Variants in NXPE2 observed in about 807,000 individuals in gnomAD.
NXPE2 encodes the protein NXPE family member 2.
A neutral mutation model predicts 34.4 loss-of-function variants in NXPE2; 34 were observed. The ratio of observed to expected loss-of-function variants is 0.99; its 90% CI spans 0.75 to 1.31. NXPE2 has a LOEUF of 1.31. Ranked by LOEUF, NXPE2 falls within the 40% of genes most tolerant of loss-of-function variation. The pLI, the probability that NXPE2 is intolerant of heterozygous loss-of-function variation, is 0.00. For missense variants in NXPE2, 649 were observed against 672.5 expected (o/e 0.97, Z 0.39); for synonymous variants, 235 against 231.3 (o/e 1.02, Z -0.15).
chr11:114,586,518 G>T, the NXPE2 span, among the ~76,000 whole-genome samples: 1 of 152,166 alleles, frequency 6.6e-6, no homozygotes, highest in Non-Finnish European at 1.5e-5. Context: ...AAGACTCAGG[G>T]GACAGGCTTG....
the NXPE2 span, among the ~76,000 whole-genome samples, chr11:114,573,226 T>C: frequency 6.6e-6 from 1 of 152,106 alleles, no homozygotes; most frequent in African/African-American, 2.4e-5. Context: ...TGAAGCAAGT[T>C]ATCAAAGCAC....
chr11:114,550,832 T>C, the NXPE2 span, among the ~76,000 whole-genome samples: 1 of 152,154 alleles, frequency 6.6e-6, no homozygotes, highest in East Asian at 1.9e-4. Context: ...TATTTACTGA[T>C]GAGGAAGTTG....
At chr11:114,678,063 A>G (rs1419622191), upstream of NXPE2, among the ~76,000 whole-genome samples, 4 of 152,112 alleles carry the variant, frequency 2.6e-5, no homozygotes, top group African/African-American at 4.8e-5. Context: ...GATGTATGCA[A>G]TGGTTTAGAG....
chr11:114,603,243 G>A, the NXPE2 span, among the ~76,000 whole-genome samples: 1 of 150,344 alleles, frequency 6.7e-6, no homozygotes, highest in South Asian at 2.1e-4. Flanking sequence ...GTATTGCCTC[G>A]TCTCCTAGGT....
Position 114,678,595 on chromosome 11 carries a change from T to A in NXPE2, c.20T>A (p.Ile7Asn), listed in dbSNP as rs756052709. ...GAGAAGATGGTGGAGAAAATACTCA[T>A]CCATAGGTGTGGTACTTTCCAACTC... is the stretch of plus-strand genomic sequence containing the variant. MVEKIL[I>N]HRILTLFPNA... The change falls in exon 1 of 6, where the codon ATC (isoleucine) becomes AAC (asparagine). Residue 7 changes from isoleucine to asparagine, a missense_variant. Ile to Asn is a moderately radical substitution (Grantham distance 149). Transcript: ENST00000389586. 6.5e-7 allele frequency: 1 copy of A among 1,548,974 alleles called. No individual in the cohort carries two copies. Among genetic ancestry groups the A allele is most frequent in the South Asian group, 1.2e-5 (1 of 84,000 alleles).
At chr11:114,759,649 G>T in the NXPE2 span, among the ~76,000 whole-genome samples, 1 of 152,104 alleles carries the variant, frequency 6.6e-6, no homozygotes, top group Non-Finnish European at 1.5e-5. Context: ...TTAGAATACC[G>T]AATAAGTTTT....
chr11:114,725,962 T>C, the NXPE2 span, among the ~76,000 whole-genome samples: 1 of 67,080 alleles, frequency 1.5e-5, no homozygotes, highest in African/African-American at 6.8e-5. Context: ...GAACTTAAAG[T>C]ATAATAAAAA....
At position 114,689,262 on chromosome 11, in the gene NXPE2, C is replaced by G. The variant is rs117345586; in HGVS notation, c.133-8783C>G. ...CCTAGTGACACTAGCTTTGTCACAT[C>G]TTAGAAATTTTGGTATGTTTTGTCT... On this transcript the variant is annotated intron_variant, in intron 2 of 5. Transcript: ENST00000389586. Among the ~76,000 whole-genome samples the G allele has an allele frequency of 5.9e-3, 900 of 152,130 alleles. 5 individuals carry two copies. Among genetic ancestry groups the G allele is most frequent in the Non-Finnish European group, 9.9e-3 (671 of 67,896 alleles).
At chr11:114,720,931 C>T in the NXPE2 span, among the ~76,000 whole-genome samples, 1 of 152,012 alleles carries the variant, frequency 6.6e-6, no homozygotes, top group African/African-American at 2.4e-5. Context: ...CCACTTTTTT[C>T]CCTTAGGTGA....
the NXPE2 span, chr11:114,528,028 A>C: frequency 8.1e-6 from 5 of 615,214 alleles, no homozygotes; most frequent in South Asian, 1.2e-4. Context: ...TATTGTTGTA[A>C]ATTTTAGATA....
chr11:114,633,443 A>G, the NXPE2 span, among the ~76,000 whole-genome samples: 1 of 146,514 alleles, frequency 6.8e-6, no homozygotes, highest in African/African-American at 2.5e-5. Flanking sequence ...ATAGTATACA[A>G]TGTATATTTT....
At chr11:114,787,377 G>T in the NXPE2 span, among the ~76,000 whole-genome samples, 1 of 152,146 alleles carries the variant, frequency 6.6e-6, no homozygotes, top group South Asian at 2.1e-4. Flanking sequence ...TGTGGCGTGG[G>T]GTGGGAACGG....
chr11:114,620,896 C>G, the NXPE2 span, among the ~76,000 whole-genome samples: 1 of 152,128 alleles, frequency 6.6e-6, no homozygotes, highest in Admixed American at 6.6e-5. Context: ...CACGGGTAAC[C>G]ACAGTTACCC....
chr11:114,513,252 C>A, the NXPE2 span: 1 of 521,426 alleles, frequency 1.9e-6, no homozygotes, highest in African/African-American at 1.9e-5. Context: ...AGGATGGTGG[C>A]TGTGCTGTGT....
chr11:114,553,317 G>A, the NXPE2 span, among the ~76,000 whole-genome samples: 1 of 152,156 alleles, frequency 6.6e-6, no homozygotes, highest in Non-Finnish European at 1.5e-5. Flanking sequence ...CATTCGAGAG[G>A]AGAATCACCT....
At chr11:114,477,116 G>T in the NXPE2 span, among the ~76,000 whole-genome samples, 1 of 152,130 alleles carries the variant, frequency 6.6e-6, no homozygotes, top group East Asian at 1.9e-4. Flanking sequence ...ACAATGGAGT[G>T]CTGTTTAGCA....
At chr11:114,808,020 G>T in the NXPE2 span, among the ~76,000 whole-genome samples, 2 of 152,216 alleles carry the variant, frequency 1.3e-5, no homozygotes, top group Non-Finnish European at 2.9e-5. Flanking sequence ...AATCAAACTA[G>T]AACCCAGGAT....
the NXPE2 span, among the ~76,000 whole-genome samples, chr11:114,608,726 C>T: frequency 3.3e-5 from 5 of 151,738 alleles, no homozygotes; most frequent in African/African-American, 1.2e-4. Context: ...AGTACTGCCT[C>T]GTGGGTAACC....
the NXPE2 span, among the ~76,000 whole-genome samples, chr11:114,786,016 G>A: frequency 1.4e-4 from 21 of 152,194 alleles, no homozygotes; most frequent in Admixed American, 1.2e-3. Context: ...AGAGTGCCAA[G>A]TCCTTCCCTC....
Sources: allele counts gnomAD v4.1 joint callset (sites outside exome capture counted in the v4.1 genomes callset), GRCh38; gene constraint gnomAD v4.1.1; transcripts MANE v1.5; gene names NCBI Gene and HGNC (gene_info 2026-07-23, HGNC 2026-07-21).